Variants in AP3D1 observed in about 807,000 individuals in gnomAD.
AP3D1 encodes the protein AP-3 complex subunit delta-1.
AP3D1 carries 51 observed loss-of-function variants against 147.6 expected under a neutral mutation model. The observed-to-expected ratio is 0.35, with a 90% CI of 0.28 to 0.44. The LOEUF (loss-of-function observed/expected upper bound fraction) is 0.44, where lower values mean the gene tolerates loss of function less well. AP3D1 is among the 20% of genes least tolerant of loss of function. The pLI, the probability that AP3D1 is intolerant of heterozygous loss-of-function variation, is 1.00. For missense variants in AP3D1, 1,421 were observed against 1,624.2 expected, an observed-to-expected ratio of 0.87 and a Z score of 2.15; for synonymous variants, 760 against 663.0, an observed-to-expected ratio of 1.15 and a Z score of -2.25.
At chr19:2,124,986 T>C (rs1165554411) in intron 9 of AP3D1, among the ~76,000 whole-genome samples, 14 of 152,240 alleles carry the variant, frequency 9.2e-5, no homozygotes, top group African/African-American at 3.1e-4. Context: ...CTCCAGGGAC[T>C]TGTGGGAGGT....
intron 21 of AP3D1, 30 bp from the exon 22 acceptor site, chr19:2,114,332 A>G (rs2018377806): frequency 1.9e-6 from 3 of 1,587,026 alleles, no homozygotes; most frequent in South Asian, 1.1e-5. Context: ...GCCACACATC[A>G]GCACCACTGG....
chr19:2,116,427 A>G (rs2018451033), intron 17 of AP3D1, 149 bp from the exon 18 acceptor site: 1 of 1,218,598 alleles, frequency 8.2e-7, no homozygotes, highest in Non-Finnish European at 1.1e-6. Flanking sequence ...AAGGCCCGCA[A>G]TTGGGAAGAG....
chr19:2,140,213 G>T lies in AP3D1; in HGVS notation c.97-1499C>A, dbSNP rs1409502317. ...AGGCGTGGAGAGGTCAGACCCTCAC[G>T]AGGGCAAAGGGGATGTCAAACGGCG... On this transcript the variant is annotated intron_variant, in intron 1 of 31. Transcript: ENST00000643116. Among the ~76,000 whole-genome samples, 8 of 152,118 alleles carry T rather than the reference G, an allele frequency of 5.3e-5. No homozygotes were observed. The East Asian group carries it at 1.5e-3, about 29-fold the overall frequency.
chr19:2,123,346 G>A lies in AP3D1; in HGVS notation c.955+12C>T. Reference sequence around the variant, plus strand: ...ACACGAAAATGACAGCACTGGGGAGGGGATGACTCACAGTTCTGATCGGAG... The same window carrying A: ...ACACGAAAATGACAGCACTGGGGAGAGGATGACTCACAGTTCTGATCGGAG... On this transcript the variant is annotated intron_variant, in intron 11 of 31. Transcript: ENST00000643116. 2 of 1,612,358 alleles carry A rather than the reference G, an allele frequency of 1.2e-6. No homozygotes were observed. The highest frequency in any genetic ancestry group is 1.7e-6 in the Non-Finnish European group (2 of 1,179,598).
chr19:2,136,929 G>A, intron 4 of AP3D1, 82 bp downstream of exon 4: 2 of 1,304,556 alleles, frequency 1.5e-6, no homozygotes, highest in Non-Finnish European at 2.2e-6. Flanking sequence ...GCTGCCCACA[G>A]GAAGACGCGT....
chr19:2,116,300 G>T, intron 17 of AP3D1, 22 bp from the exon 18 acceptor site: 1 of 1,611,790 alleles, frequency 6.2e-7, no homozygotes, highest in Non-Finnish European at 8.5e-7. Flanking sequence ...AGCTTGGCAT[G>T]AGCCCGAGAG....
intron 31 of AP3D1, among the ~76,000 whole-genome samples, chr19:2,108,179 A>C (rs1030922375): frequency 2.0e-5 from 3 of 152,200 alleles, no homozygotes; most frequent in Non-Finnish European, 4.4e-5. Flanking sequence ...AAAACCAAAG[A>C]AGCCACCAGA....
At position 2,101,388 on chromosome 19, in the gene AP3D1, C is replaced by A. The variant is rs1221596525; in HGVS notation, c.*785G>T. On this transcript the variant is annotated 3_prime_UTR_variant, in exon 32 of 32. Coordinates refer to ENST00000643116, the MANE Select transcript of AP3D1 (RefSeq NM_001261826.3). ...CGCTGCTTCCAGGCCCTGCCTGGGC[C>A]TTCCTAAGGGTGCTGGGAAGGATGT... 1 of 152,270 alleles carries A rather than the reference C, an allele frequency of 6.6e-6. No individual in the cohort carries two copies. The highest frequency in any genetic ancestry group is 2.4e-5 in the African/African-American group (1 of 41,442). 9.4% of individuals were successfully genotyped at this position (152,270 alleles called of 1,614,324 possible).
At chr19:2,126,019 G>A (rs577039423) in intron 9 of AP3D1, among the ~76,000 whole-genome samples, 3 of 152,234 alleles carry the variant, frequency 2.0e-5, no homozygotes, top group Admixed American at 2.0e-4. Context: ...GGGGTGGCAT[G>A]CGCCTGTAGA....
chr19:2,157,460 A>AG (rs2019656927), intron 1 of AP3D1, among the ~76,000 whole-genome samples: 2 of 132,954 alleles, frequency 1.5e-5, no homozygotes, highest in Admixed American at 7.5e-5. Context: ...AAAAAAAAAA[A>AG]GAAAAAAACA....
chr19:2,120,941 G>A lies in AP3D1; in HGVS notation c.1402C>T (p.Leu468=). ...QMSALLDSAH[L]LASSTQRNGI... is the part of the protein sequence containing the mutation. ...TTCCGCTGGGTGCTGCTGGCCAGCAGGTGTGCACTGTCAAGCAGCGCAGAC... is the reference window on the plus strand; with the variant it reads ...TTCCGCTGGGTGCTGCTGGCCAGCAAGTGTGCACTGTCAAGCAGCGCAGAC... Residue 468 remains leucine, a synonymous_variant, in exon 14 of 32, where the codon CTG becomes TTG. Coordinates refer to ENST00000643116, the MANE Select transcript of AP3D1 (RefSeq NM_001261826.3). 6.2e-7 allele frequency: 1 copy of A among 1,612,058 alleles called. No homozygotes were observed. Among genetic ancestry groups the A allele is most frequent in the Middle Eastern group, 1.6e-4 (1 of 6,062 alleles).
In AP3D1 at chr19:2,117,202, C is replaced by CCCCA; in HGVS notation, c.1859+16_1859+19dup. The stretch of plus-strand genomic sequence containing the variant: ...CATGTCAGGGCCATGGTTGCAATGC[C>CCCCA]CCCACCCCCGTATCCTTACCCTTCG... On this transcript the variant is annotated intron_variant, in intron 16 of 31. Coordinates refer to ENST00000643116, the MANE Select transcript of AP3D1 (RefSeq NM_001261826.3). The CCCCA allele has an allele frequency of 6.3e-7, 1 of 1,575,278 alleles. No homozygotes were observed. The highest frequency in any genetic ancestry group is 8.6e-7 in the Non-Finnish European group (1 of 1,159,688).
At chr19:2,102,767 A>G (rs1303443453) in intron 31 of AP3D1, among the ~76,000 whole-genome samples, 1 of 144,132 alleles carries the variant, frequency 6.9e-6, no homozygotes, top group East Asian at 2.0e-4. Context: ...AAATAAATAA[A>G]TAAATAAATA....
At chr19:2,115,036 CT>C (rs1352805981) in intron 20 of AP3D1, among the ~76,000 whole-genome samples, 182 bp downstream of exon 20, 1 of 152,192 alleles carries the variant, frequency 6.6e-6, no homozygotes. Context: ...GCTGCTGGCC[CT>C]GGGGCGGTGC....
intron 1 of AP3D1, among the ~76,000 whole-genome samples, chr19:2,160,189 A>G (rs1313570636): frequency 6.6e-6 from 1 of 152,198 alleles, no homozygotes; most frequent in Admixed American, 6.5e-5. Flanking sequence ...TGTAACAGGA[A>G]CTATGGGAAT....
intron 8 of AP3D1, among the ~76,000 whole-genome samples, chr19:2,127,472 G>A (rs1878767496): frequency 6.6e-6 from 1 of 151,514 alleles, no homozygotes; most frequent in African/African-American, 2.4e-5. Flanking sequence ...CCGGCGGCCT[G>A]TGAGATGGCA....
intron 1 of AP3D1, among the ~76,000 whole-genome samples, chr19:2,146,075 G>A (rs938622856): frequency 1.3e-5 from 2 of 152,214 alleles, no homozygotes; most frequent in African/African-American, 2.4e-5. Context: ...TTCATAAAAC[G>A]ACCCCACATG....
chr19:2,146,894 C>T (rs1380821823), intron 1 of AP3D1, among the ~76,000 whole-genome samples: 2 of 152,166 alleles, frequency 1.3e-5, no homozygotes, highest in African/African-American at 4.8e-5. Context: ...ACCAGAGGAG[C>T]CCCTGGCACG....
intron 18 of AP3D1, among the ~76,000 whole-genome samples, chr19:2,115,879 C>G (rs988240179): frequency 6.6e-6 from 1 of 152,252 alleles, no homozygotes; most frequent in East Asian, 1.9e-4. Context: ...ACTTTTTTTA[C>G]GTGAATATTC....
Sources: allele counts gnomAD v4.1 joint callset (sites outside exome capture counted in the v4.1 genomes callset), GRCh38; gene constraint gnomAD v4.1.1; transcripts MANE v1.5; gene names NCBI Gene and HGNC (gene_info 2026-07-23, HGNC 2026-07-21).